The following IGF2R variants were observed in gnomAD, a reference collection of about 807,000 sequenced individuals.
IGF2R encodes insulin like growth factor 2 receptor, also known as cation-independent mannose-6-phosphate receptor.
A neutral mutation model predicts 270.6 loss-of-function variants in IGF2R; 91 were observed. The observed-to-expected ratio is 0.34, with a 90% CI of 0.28 to 0.40. The LOEUF is 0.40. Ranked by LOEUF, IGF2R falls within the 10% of genes least tolerant of loss-of-function variation. The pLI is 1.00. For synonymous variants in IGF2R, 1,316 were observed against 1,258.9 expected, an observed-to-expected ratio of 1.05 and a Z score of -0.96; for missense variants, 2,805 against 3,188.3, an observed-to-expected ratio of 0.88 and a Z score of 2.90.
intron 23 of IGF2R, 98 bp downstream of exon 23, chr6:160,060,815 T>C (rs1200970972): frequency 8.8e-7 from 1 of 1,138,922 alleles, no homozygotes. Flanking sequence ...TATATTTGTG[T>C]GTGTGTGGTG....
chr6:159,971,283 C>T (rs752691904), intron 1 of IGF2R, among the ~76,000 whole-genome samples: 1 of 152,132 alleles, frequency 6.6e-6, no homozygotes, highest in Non-Finnish European at 1.5e-5. Context: ...CCTGTGTTCA[C>T]GAACTTCATC....
At chr6:160,071,738 A>G (rs1213775434) in intron 31 of IGF2R, among the ~76,000 whole-genome samples, 172 bp from the exon 32 acceptor site, 1 of 152,170 alleles carries the variant, frequency 6.6e-6, no homozygotes, top group African/African-American at 2.4e-5. Context: ...AGCTCAGGAC[A>G]CATTCTGACC....
chr6:160,055,606 A>G (rs181222129), intron 19 of IGF2R, among the ~76,000 whole-genome samples: 1 of 152,250 alleles, frequency 6.6e-6, no homozygotes, highest in East Asian at 1.9e-4. Flanking sequence ...TCAAGGGTAG[A>G]GAGCCCTTGA....
rs116668316 is a variant in IGF2R at position 159,981,265 on chromosome 6, G to A, written c.150-9919G>A. 5.3e-5 allele frequency among the ~76,000 whole-genome samples: 8 copies of A among 151,958 alleles called. No individual in the cohort carries two copies. The South Asian group carries it at 6.2e-4, about 12-fold the overall frequency. On this transcript the variant is annotated intron_variant, in intron 1 of 47. Coordinates refer to ENST00000356956, the MANE Select transcript of IGF2R (RefSeq NM_000876.4). ...TGAGTGTGTATGTGTGCGTGAGTGC[G>A]TGTGTGAGTGCACGAGTGTGTGAGT...
chr6:159,983,487 A>C (rs73594470), intron 1 of IGF2R, among the ~76,000 whole-genome samples: 1,954 of 152,322 alleles, frequency 0.013, 51 homozygotes, highest in African/African-American at 0.045. Context: ...GGAGCAAAAC[A>C]GTATCTGAGC....
At position 160,043,272 on chromosome 6, in the gene IGF2R, G is replaced by A. The variant is rs1220064220; in HGVS notation, c.1605G>A (p.Ala535=). ...EGKARGCPED[A]AVCAVDKNGS... ...AGGCACGAGGGTGTCCCGAGGACGC[G>A]GCAGTGTGTGCAGTGGGTGAGTTGT... Residue 535 remains alanine, a synonymous_variant, in exon 12 of 48, where the codon GCG becomes GCA. Transcript: ENST00000356956. 5 of 1,614,068 alleles carry A rather than the reference G, an allele frequency of 3.1e-6. No individual in the cohort carries two copies. The highest frequency in any genetic ancestry group is 3.4e-6 in the Non-Finnish European group (4 of 1,179,958).
chr6:160,079,814 A>G (rs1186229846), intron 38 of IGF2R, 27 bp downstream of exon 38: 2 of 1,440,532 alleles, frequency 1.4e-6, no homozygotes, highest in Non-Finnish European at 1.8e-6. Context: ...AGGTAAATAA[A>G]CTTCAAGCTC....
intron 20 of IGF2R, among the ~76,000 whole-genome samples, chr6:160,057,216 C>T (rs1778335034): frequency 6.6e-6 from 1 of 152,224 alleles, no homozygotes; most frequent in South Asian, 2.1e-4. Flanking sequence ...CTACTGGCTC[C>T]TCCCGCCTTC....
intron 36 of IGF2R, among the ~76,000 whole-genome samples, chr6:160,077,832 C>G (rs117682156): frequency 6.6e-6 from 1 of 152,238 alleles, no homozygotes; most frequent in Non-Finnish European, 1.5e-5. Context: ...AAATGTCTCC[C>G]GTGTCTAGAG....
intron 29 of IGF2R, 37 bp downstream of exon 29, chr6:160,064,938 T>A (rs371106222): frequency 6.6e-6 from 9 of 1,365,108 alleles, no homozygotes; most frequent in African/African-American, 1.4e-5. Flanking sequence ...TTGGACAGAC[T>A]AACTTGGTAT....
chr6:160,025,819 A>T (rs1015801111), intron 5 of IGF2R, among the ~76,000 whole-genome samples: 4 of 152,190 alleles, frequency 2.6e-5, no homozygotes, highest in African/African-American at 9.7e-5. Flanking sequence ...GTTGTAGATT[A>T]TTGAATTCTG....
At chr6:160,096,271 C>T in intron 44 of IGF2R, 168 bp from the exon 45 acceptor site, 2 of 594,348 alleles carry the variant, frequency 3.4e-6, no homozygotes, top group South Asian at 2.3e-5. Context: ...TATCCATGTG[C>T]ATCGAGTGGC....
chr6:160,087,199 C>A (rs552874553), intron 41 of IGF2R, among the ~76,000 whole-genome samples: 52 of 152,332 alleles, frequency 3.4e-4, no homozygotes, highest in African/African-American at 1.2e-3. Flanking sequence ...TAGAAAACCA[C>A]AGTTGGTTTC....
chr6:160,088,497 C>G (rs899679450), intron 42 of IGF2R, among the ~76,000 whole-genome samples: 1 of 152,182 alleles, frequency 6.6e-6, no homozygotes, highest in Non-Finnish European at 1.5e-5. Flanking sequence ...CTGGGACCCT[C>G]GAGCAGCTGG....
At chr6:159,994,514 T>C (rs921634360) in intron 2 of IGF2R, among the ~76,000 whole-genome samples, 4 of 152,008 alleles carry the variant, frequency 2.6e-5, no homozygotes, top group African/African-American at 7.3e-5. Flanking sequence ...CTTTTTTTTT[T>C]CTAGTGCCAT....
At chr6:159,993,375 T>G (rs1784006550) in intron 2 of IGF2R, among the ~76,000 whole-genome samples, 1 of 152,176 alleles carries the variant, frequency 6.6e-6, no homozygotes, top group African/African-American at 2.4e-5. Context: ...AGATCTTACA[T>G]TTAAGTCTCC....
At chr6:160,041,648 C>T (rs1187591317) in intron 11 of IGF2R, among the ~76,000 whole-genome samples, 1 of 152,180 alleles carries the variant, frequency 6.6e-6, no homozygotes, top group Non-Finnish European at 1.5e-5. Context: ...CTCCTGTCTT[C>T]TGAGTCCCAC....
intron 4 of IGF2R, among the ~76,000 whole-genome samples, chr6:160,012,159 A>G (rs1008227100): frequency 3.9e-5 from 6 of 152,186 alleles, no homozygotes; most frequent in Non-Finnish European, 8.8e-5. Flanking sequence ...AAAAAAGTTT[A>G]AAGTGGAAAG....
At chr6:160,080,741 C>A (rs569451021) in intron 39 of IGF2R, among the ~76,000 whole-genome samples, 1 of 152,098 alleles carries the variant, frequency 6.6e-6, no homozygotes, top group African/African-American at 2.4e-5. Flanking sequence ...CTTGCCCCTG[C>A]GGTGCTCAGG....
Sources: allele counts gnomAD v4.1 joint callset (sites outside exome capture counted in the v4.1 genomes callset), GRCh38; gene constraint gnomAD v4.1.1; transcripts MANE v1.5; gene names NCBI Gene and HGNC (gene_info 2026-07-23, HGNC 2026-07-21).